The following HS2ST1 variants were observed in gnomAD, a reference collection of about 807,000 sequenced individuals.
HS2ST1 encodes the protein heparan sulfate 2-O-sulfotransferase 1.
HS2ST1 carries 18 observed loss-of-function variants against 42.9 expected under a neutral mutation model. The ratio of observed to expected loss-of-function variants is 0.42; its 90% CI spans 0.29 to 0.62. The LOEUF is 0.62. Among genes scored for constraint, HS2ST1 ranks in the 20% least tolerant of loss-of-function variants. HS2ST1 has a pLI of 0.21. For synonymous variants in HS2ST1, 146 were observed against 152.9 expected, an observed-to-expected ratio of 0.95 and a Z score of 0.33; for missense variants, 334 against 433.8, an observed-to-expected ratio of 0.77 and a Z score of 2.04.
chr1:86,961,313 T>C (rs954086552), intron 1 of HS2ST1, among the ~76,000 whole-genome samples: 1 of 152,194 alleles, frequency 6.6e-6, no homozygotes, highest in Admixed American at 6.5e-5. Flanking sequence ...AATACAGTGG[T>C]GAGTACAAGA....
intron 5 of HS2ST1, among the ~76,000 whole-genome samples, chr1:87,102,232 AT>A (rs1315407207): frequency 1.3e-5 from 2 of 152,050 alleles, no homozygotes; most frequent in East Asian, 3.9e-4. Context: ...CTGATTTTGT[AT>A]TTTTAGTAGA....
chr1:87,057,803 A>G (rs1015017351), intron 1 of HS2ST1, among the ~76,000 whole-genome samples: 6 of 151,584 alleles, frequency 4.0e-5, no homozygotes, highest in Admixed American at 2.0e-4. Context: ...GTGAGCTGAG[A>G]TCATGCCACT....
rs954041021 is a variant in HS2ST1, at chr1:86,914,719, C to T, written c.-318C>T. 9.1e-6 allele frequency: 3 copies of T among 328,156 alleles called. No individual in the cohort carries two copies. The highest frequency in any genetic ancestry group is 2.2e-5 in the African/African-American group (1 of 44,642). 20.3% of individuals were successfully genotyped at this position (328,156 alleles called of 1,614,324 possible). Reference sequence around the variant, plus strand: ...GAAGAGAGGGAGGCGGGCAAGCAGGCGGGCGCGGGGGTCGGGGACTGAGGC... The same window carrying T: ...GAAGAGAGGGAGGCGGGCAAGCAGGTGGGCGCGGGGGTCGGGGACTGAGGC... On this transcript the variant is annotated 5_prime_UTR_variant, in exon 1 of 7. Transcript: ENST00000370550.
chr1:87,101,156 G>GTTTTT (rs1162453464), intron 5 of HS2ST1, among the ~76,000 whole-genome samples: 45 of 91,138 alleles, frequency 4.9e-4, no homozygotes, highest in Admixed American at 6.5e-4. Flanking sequence ...TGTGTTTTTT[G>GTTTTT]TTTTTTTTTT....
chr1:86,981,197 C>A (rs1413582333), intron 1 of HS2ST1, among the ~76,000 whole-genome samples: 1 of 152,134 alleles, frequency 6.6e-6, no homozygotes, highest in Non-Finnish European at 1.5e-5. Context: ...TCAATCACCT[C>A]CCTTGCTCCC....
chr1:86,965,396 T>A (rs1648016299), intron 1 of HS2ST1, among the ~76,000 whole-genome samples: 1 of 152,128 alleles, frequency 6.6e-6, no homozygotes, highest in Non-Finnish European at 1.5e-5. Flanking sequence ...TACTAGGGCA[T>A]CTTATTTTTT....
At position 86,959,096 on chromosome 1, in the gene HS2ST1, TAAAG is replaced by T. The variant is rs969838788; in HGVS notation, c.124+43940_124+43943del. On this transcript the variant is annotated intron_variant, in intron 1 of 6. Coordinates refer to ENST00000370550, the MANE Select transcript of HS2ST1 (RefSeq NM_012262.4). The stretch of plus-strand genomic sequence containing the variant: ...AATGGGGGAAAATTCCTCAACTTGA[TAAAG>T]AAAATCTACAAAAAACTTACAGCTA... Among the ~76,000 whole-genome samples, 5 of 152,126 alleles carry T rather than the reference TAAAG, an allele frequency of 3.3e-5. 1 individual carries two copies. Among genetic ancestry groups the T allele is most frequent in the African/African-American group, 7.2e-5 (3 of 41,414 alleles).
chr1:87,080,555 A>G (rs980793826), intron 2 of HS2ST1, among the ~76,000 whole-genome samples: 8 of 152,210 alleles, frequency 5.3e-5, no homozygotes, highest in Non-Finnish European at 1.2e-4. Context: ...GTCCCCCAGC[A>G]GGAACATCAA....
At chr1:87,068,046 C>CG (rs1395102900) in intron 1 of HS2ST1, among the ~76,000 whole-genome samples, 12 of 152,008 alleles carry the variant, frequency 7.9e-5, no homozygotes, top group African/African-American at 2.9e-4. Context: ...CTTGGCTATG[C>CG]GGGGTCTTTT....
rs1008275679 is a variant in HS2ST1 at position 87,087,543 on chromosome 1, C to T, written c.449+3264C>T. On this transcript the variant is annotated intron_variant, in intron 3 of 6. Transcript: ENST00000370550. ...AATCAGTAAAGAAGCAGCTATGTCA[C>T]GACAAGAAACAACTAAATGCTTCAT... Among the ~76,000 whole-genome samples the T allele has an allele frequency of 5.9e-5, 9 of 151,940 alleles. No individual in the cohort carries two copies. The South Asian group carries it at 1.5e-3, about 25-fold the overall frequency.
At chr1:86,926,470 G>A (rs753679056) in intron 1 of HS2ST1, among the ~76,000 whole-genome samples, 2 of 152,144 alleles carry the variant, frequency 1.3e-5, no homozygotes, top group Non-Finnish European at 2.9e-5. Flanking sequence ...AACTCTCTCA[G>A]GCAGTCATAA....
chr1:87,024,885 A>G (rs939695676), intron 1 of HS2ST1, among the ~76,000 whole-genome samples: 1 of 152,230 alleles, frequency 6.6e-6, no homozygotes, highest in Non-Finnish European at 1.5e-5. Flanking sequence ...CCAAAAATAT[A>G]ATTTCTGAAT....
At chr1:87,019,356 A>C (rs990236247) in intron 1 of HS2ST1, among the ~76,000 whole-genome samples, 25 of 152,356 alleles carry the variant, frequency 1.6e-4, no homozygotes, top group African/African-American at 6.0e-4. Flanking sequence ...TTACTAGGAC[A>C]TATAGCACTT....
intron 1 of HS2ST1, among the ~76,000 whole-genome samples, chr1:86,994,884 T>C (rs1024890491): frequency 6.6e-6 from 1 of 152,156 alleles, no homozygotes; most frequent in African/African-American, 2.4e-5. Context: ...TAACTAAGGG[T>C]ACTTAGAGTA....
intron 1 of HS2ST1, among the ~76,000 whole-genome samples, chr1:86,936,168 A>G (rs1236930374): frequency 6.6e-6 from 1 of 152,062 alleles, no homozygotes; most frequent in Non-Finnish European, 1.5e-5. Flanking sequence ...TTGCTAATAG[A>G]TTTTAAATTC....
At chr1:87,048,812 T>C (rs765775193) in intron 1 of HS2ST1, among the ~76,000 whole-genome samples, 4 of 152,168 alleles carry the variant, frequency 2.6e-5, no homozygotes, top group Non-Finnish European at 5.9e-5. Flanking sequence ...ATCTGTATCC[T>C]TGGGATAAAC....
At chr1:87,104,229 C>T (rs116324406) in intron 6 of HS2ST1, among the ~76,000 whole-genome samples, 1,910 of 152,146 alleles carry the variant, frequency 0.013, 45 homozygotes, top group African/African-American at 0.044. Flanking sequence ...GTGTGCCAAT[C>T]CTTACATTGA....
At chr1:87,038,040 G>A (rs1306989900) in intron 1 of HS2ST1, among the ~76,000 whole-genome samples, 1 of 151,970 alleles carries the variant, frequency 6.6e-6, no homozygotes, top group East Asian at 1.9e-4. Flanking sequence ...AATGATTAAT[G>A]TACTTTAACC....
At chr1:87,054,056 C>A (rs1650898173) in intron 1 of HS2ST1, among the ~76,000 whole-genome samples, 1 of 152,100 alleles carries the variant, frequency 6.6e-6, no homozygotes, top group African/African-American at 2.4e-5. Flanking sequence ...CTACATATTA[C>A]TACCTGGATG....
Sources: gnomAD v4.1 joint callset for allele counts (sites outside exome capture counted in the v4.1 genomes callset) on GRCh38, gnomAD v4.1.1 for gene constraint, MANE v1.5 for transcripts, NCBI Gene and HGNC (gene_info 2026-07-23, HGNC 2026-07-21) for gene names.